Variants in RBFOX1 observed in about 807,000 individuals in gnomAD.
RBFOX1 encodes the protein RNA binding fox-1 homolog 1, also known as RNA binding protein fox-1 homolog 1.
Under a neutral mutation model 57.7 loss-of-function variants are expected in RBFOX1, and 8 were observed. That is an observed-to-expected ratio of 0.14 (90% CI 0.08 to 0.25). The LOEUF (loss-of-function observed/expected upper bound fraction) is 0.25. Among genes scored for constraint, RBFOX1 ranks in the 10% least tolerant of loss-of-function variants. The probability of loss-of-function intolerance (pLI) is 1.00; values close to 1 mark genes in which losing one functional copy is unlikely to be tolerated. For missense variants in RBFOX1, 611 were observed against 548.5 expected (o/e 1.11, Z -1.14); for synonymous variants, 326 against 222.4 (o/e 1.47, Z -4.15).
intron 3 of RBFOX1, among the ~76,000 whole-genome samples, chr16:6,758,714 T>A (rs1421154447): frequency 6.6e-6 from 1 of 152,204 alleles, no homozygotes; most frequent in Non-Finnish European, 1.5e-5. Context: ...AAATACATTT[T>A]ACATTAAATG....
At chr16:7,684,635 A>G (rs977236576) in intron 14 of RBFOX1, among the ~76,000 whole-genome samples, 4 of 149,780 alleles carry the variant, frequency 2.7e-5, no homozygotes, top group African/African-American at 9.8e-5. Flanking sequence ...AAAAAAAAAA[A>G]CATGATTGTT....
rs553105756 is a variant in RBFOX1, at chr16:5,615,089, C to T, written c.318+16128C>T. Among the ~76,000 whole-genome samples, 9 of 152,336 alleles carry T rather than the reference C, an allele frequency of 5.9e-5. 1 individual carries two copies. The South Asian group carries it at 1.4e-3, about 25-fold the overall frequency. On this transcript the variant is annotated intron_variant, in intron 3 of 19. Transcript: ENST00000641259. ...TCACTCTGTTACCCAGGCTGGCATG[C>T]AGTGGTGCCGTCATAGCTCACTGCA...
intron 4 of RBFOX1, among the ~76,000 whole-genome samples, chr16:7,175,843 C>G (rs1010650670): frequency 5.3e-5 from 8 of 152,182 alleles, no homozygotes; most frequent in African/African-American, 1.7e-4. Flanking sequence ...GAAAAGGTCA[C>G]TCTTTAGAGG....
intron 1 of RBFOX1, among the ~76,000 whole-genome samples, chr16:6,143,959 C>A (rs1294596179): frequency 7.1e-6 from 1 of 139,962 alleles, no homozygotes; most frequent in African/African-American, 2.8e-5. Flanking sequence ...CCATACTCAG[C>A]TATATATATA....
At chr16:7,515,207 C>G (rs1216466127) in intron 4 of RBFOX1, among the ~76,000 whole-genome samples, 1 of 151,914 alleles carries the variant, frequency 6.6e-6, no homozygotes, top group Non-Finnish European at 1.5e-5. Flanking sequence ...GGATATGTTC[C>G]TTGAACAGCC....
At chr16:6,764,547 G>A (rs1421364748) in intron 3 of RBFOX1, among the ~76,000 whole-genome samples, 1 of 152,178 alleles carries the variant, frequency 6.6e-6, no homozygotes, top group Non-Finnish European at 1.5e-5. Flanking sequence ...CAGGAAATAA[G>A]GACATGGTTT....
In RBFOX1 at chr16:7,379,746, T is replaced by TTGCCTGCCTGCC. The variant is rs1010841799; in HGVS notation, c.28-138391_28-138380dup. 4.0e-5 allele frequency among the ~76,000 whole-genome samples: 6 copies of TTGCCTGCCTGCC among 151,240 alleles called. No individual in the cohort carries two copies. The East Asian group carries it at 5.9e-4, about 15-fold the overall frequency. On this transcript the variant is annotated intron_variant, in intron 4 of 15. Coordinates refer to ENST00000550418, the MANE Select transcript of RBFOX1 (RefSeq NM_018723.4). ...CCTTCCTTCCTTTCTGCCTGCCTGC[T>TTGCCTGCCTGCC]TGCCTGCCTGCCTGCCTGCCTTCCT... is the stretch of plus-strand genomic sequence containing the variant.
intron 4 of RBFOX1, among the ~76,000 whole-genome samples, chr16:5,975,827 A>G (rs2152304226): frequency 6.6e-6 from 1 of 152,336 alleles, no homozygotes; most frequent in East Asian, 1.9e-4. Flanking sequence ...ACATATAGTA[A>G]TAACTCAGTC....
chr16:7,015,408 A>G (rs1438143577), intron 3 of RBFOX1, among the ~76,000 whole-genome samples: 3 of 152,194 alleles, frequency 2.0e-5, no homozygotes, highest in Admixed American at 6.5e-5. Context: ...CTTGAGCCGT[A>G]TTATAGACTT....
intron 2 of RBFOX1, among the ~76,000 whole-genome samples, chr16:6,530,472 A>G (rs1343189656): frequency 6.6e-6 from 1 of 152,154 alleles, no homozygotes; most frequent in Non-Finnish European, 1.5e-5. Flanking sequence ...TAAATATTCA[A>G]ATTCTTTCTT....
intron 4 of RBFOX1, among the ~76,000 whole-genome samples, chr16:7,174,050 G>T (rs1165556293): frequency 1.3e-5 from 2 of 152,194 alleles, no homozygotes; most frequent in Non-Finnish European, 2.9e-5. Flanking sequence ...TTGAGCATCT[G>T]CTTTGTGTTA....
rs78245224 is a variant in RBFOX1 at position 7,201,284 on chromosome 16, G to T, written c.27+149186G>T. Among the ~76,000 whole-genome samples, 900 of 152,192 alleles carry T rather than the reference G, an allele frequency of 5.9e-3. 15 individuals are homozygous for T. The highest frequency in any genetic ancestry group is 4.0e-3 in the Non-Finnish European group (275 of 68,010). On this transcript the variant is annotated intron_variant, in intron 4 of 15. Coordinates refer to ENST00000550418, the MANE Select transcript of RBFOX1 (RefSeq NM_018723.4). ...AACACAGCATAGCAGAGAAACAACG[G>T]AGAGCCAGGTAGTAGAAGAGGTGAA... is the stretch of plus-strand genomic sequence containing the variant.
At chr16:7,131,906 A>G (rs2070528816) in intron 4 of RBFOX1, among the ~76,000 whole-genome samples, 2 of 152,002 alleles carry the variant, frequency 1.3e-5, no homozygotes, top group South Asian at 4.2e-4. Context: ...GCTTCCCAGT[A>G]TCTTAAAGAA....
chr16:5,618,393 A>G (rs1159883939), intron 3 of RBFOX1, among the ~76,000 whole-genome samples: 2 of 151,892 alleles, frequency 1.3e-5, no homozygotes, highest in African/African-American at 4.8e-5. Context: ...GCTGCAGTGC[A>G]GTGGTGCGAT....
chr16:6,577,270 C>T (rs1028037953), intron 2 of RBFOX1: 2 of 152,272 alleles, frequency 1.3e-5, no homozygotes, highest in African/African-American at 4.8e-5. Flanking sequence ...TGCCTAACAT[C>T]ATACTAATGG....
At chr16:5,582,489 C>T (rs906880477) in intron 2 of RBFOX1, among the ~76,000 whole-genome samples, 19 of 151,416 alleles carry the variant, frequency 1.3e-4, no homozygotes, top group Non-Finnish European at 1.5e-4. Context: ...AACAGCCCTC[C>T]AAGGTCAAAG....
chr16:5,989,190 G>C (rs1354156173), intron 4 of RBFOX1, among the ~76,000 whole-genome samples: 3 of 151,802 alleles, frequency 2.0e-5, no homozygotes, highest in Non-Finnish European at 4.4e-5. Context: ...AATTAGCTGG[G>C]CGTGGTGGCA....
intron 5 of RBFOX1, among the ~76,000 whole-genome samples, chr16:7,537,345 A>G (rs1314958798): frequency 6.6e-6 from 1 of 152,208 alleles, no homozygotes; most frequent in Non-Finnish European, 1.5e-5. Context: ...TTGGGACGGT[A>G]TAGTCCCTTG....
intron 3 of RBFOX1, among the ~76,000 whole-genome samples, chr16:6,730,868 A>G (rs895005487): frequency 6.6e-6 from 1 of 152,186 alleles, no homozygotes; most frequent in Non-Finnish European, 1.5e-5. Context: ...CCCAGACCCC[A>G]CCCTGCTTCC....
Sources: gnomAD v4.1 joint callset for allele counts (sites outside exome capture counted in the v4.1 genomes callset) on GRCh38, gnomAD v4.1.1 for gene constraint, MANE v1.5 for transcripts, NCBI Gene and HGNC (gene_info 2026-07-23, HGNC 2026-07-21) for gene names.